ARSD: variants seen among roughly 807,000 people sequenced by gnomAD.
ARSD encodes testis tissue sperm-binding protein Li 39a.
ARSD carries 21 observed loss-of-function variants against 32.6 expected under a neutral mutation model. The ratio of observed to expected loss-of-function variants is 0.64; its 90% confidence interval spans 0.46 to 0.93. ARSD has a LOEUF of 0.93. Among genes scored for constraint, ARSD ranks in the 40% least tolerant of loss-of-function variants. ARSD has a pLI of 0.00. For synonymous variants in ARSD, 224 were observed against 237.4 expected (o/e 0.94, Z 0.52); for missense variants, 454 against 520.9 (o/e 0.87, Z 1.25).
chrX:2,916,120 AG>A (rs1211101990), intron 5 of ARSD, among the ~76,000 whole-genome samples: 43 of 69,388 alleles, frequency 6.2e-4, no homozygotes, highest in Middle Eastern at 9.3e-3. Flanking sequence ...TGACAGAGCC[AG>A]ACCCTGTCTC....
intron 8 of ARSD, 64 bp downstream of exon 8, chrX:2,909,753 T>TAAAA: frequency 1.2e-6 from 1 of 808,121 alleles, no homozygotes; most frequent in Non-Finnish European, 1.6e-6. Flanking sequence ...CCTATTGAAA[T>TAAAA]AAAAAAAAAA....
Position 2,921,937 on chromosome X carries a change from A to G in ARSD, c.282T>C (p.Ala94=). Reference sequence around the variant, plus strand: ...AGGAATGTCTCCCTGTGAGGAATGCAGCTCGGCTTGGGGTGCAGAGCGGGG... The same window carrying G: ...AGGAATGTCTCCCTGTGAGGAATGCGGCTCGGCTTGGGGTGCAGAGCGGGG... ...AAAPLCTPSR[A]AFLTGRHSFR... Residue 94 remains alanine, a synonymous_variant, in exon 3 of 10, where the codon GCT becomes GCC. Transcript: ENST00000381154. 1 of 1,211,603 alleles carries G rather than the reference A, an allele frequency of 8.3e-7. No homozygotes were observed.
rs760105153 is a variant in ARSD, at chrX:2,929,202, G to C, written c.44+30C>G. 1.9e-5 allele frequency: 20 copies of C among 1,038,311 alleles called. No individual in the cohort carries two copies. The South Asian group carries it at 5.0e-4, about 26-fold the overall frequency. 85.6% of individuals were successfully genotyped at this position (1,038,311 alleles called of 1,213,427 possible). A position where few individuals can be genotyped will look rare whatever the true frequency, so the allele number is the denominator to read the frequency against. On this transcript the variant is annotated intron_variant, in intron 1 of 9. Coordinates refer to ENST00000381154, the MANE Select transcript of ARSD (RefSeq NM_001669.4). ...CCCCAGGCCCCCACCCTAGGCCTTAGTATGGGCCGCGTCCCGGGGTCCCAG... is the reference window on the plus strand; with the variant it reads ...CCCCAGGCCCCCACCCTAGGCCTTACTATGGGCCGCGTCCCGGGGTCCCAG...
intron 1 of ARSD, among the ~76,000 whole-genome samples, chrX:2,927,240 C>CTTT (rs11403125): frequency 0.019 from 1,940 of 100,666 alleles, 59 homozygotes; most frequent in African/African-American, 0.067. Flanking sequence ...CCTAACTTTC[C>CTTT]TTTTTTTTTT....
Position 2,920,651 on chromosome X carries a change from G to C in ARSD, c.389C>G (p.Thr130Ser). Residue 130 changes from threonine (T) to serine (S), a missense_variant, in exon 4 of 10, where the codon ACC becomes AGC. Coordinates refer to ENST00000381154, the MANE Select transcript of ARSD (RefSeq NM_001669.4). ...CTGCTGCAAGATTCTTGCAAAAGTGGTTTCGTTCTCAGGGAGTCCACCTGA... is the reference window on the plus strand; with the variant it reads ...CTGCTGCAAGATTCTTGCAAAAGTGCTTTCGTTCTCAGGGAGTCCACCTGA... The part of the protein sequence containing the change: ...AGSGGLPENE[T>S]TFARILQQHG... 8.3e-7 allele frequency: 1 copy of C among 1,212,014 alleles called. No individual in the cohort carries two copies. Among genetic ancestry groups the C allele is most frequent in the Non-Finnish European group, 1.1e-6 (1 of 895,592 alleles).
Position 2,925,960 on chromosome X carries a change from T to G in ARSD, c.45-195A>C, listed in dbSNP as rs541833263. ...AAACCGAGGGTCAGACTGCTATTTC[T>G]TGTGACCCAATAGCGAGATGCAGAT... On this transcript the variant is annotated intron_variant, in intron 1 of 9. Coordinates refer to ENST00000381154, the MANE Select transcript of ARSD (RefSeq NM_001669.4). Among the ~76,000 whole-genome samples, 4 of 111,801 alleles carry G rather than the reference T, an allele frequency of 3.6e-5. No individual in the cohort carries two copies. In the South Asian group the frequency reaches 1.5e-3, roughly 42 times the overall value.
chrX:2,908,339 C>A (rs1057404486), intron 9 of ARSD, among the ~76,000 whole-genome samples: 14 of 110,455 alleles, frequency 1.3e-4, no homozygotes, highest in Non-Finnish European at 2.5e-4. Context: ...ATCATCTATC[C>A]TACATATCTA....
At chrX:2,921,028 C>T (rs2089023868) in intron 3 of ARSD, among the ~76,000 whole-genome samples, 1 of 111,574 alleles carries the variant, frequency 9.0e-6, no homozygotes, top group African/African-American at 3.3e-5. Flanking sequence ...TGGTGCTACT[C>T]GTATCGGGTG....
At chrX:2,928,776 G>C (rs1324049475) in intron 1 of ARSD, among the ~76,000 whole-genome samples, 1 of 102,983 alleles carries the variant, frequency 9.7e-6, no homozygotes, top group Non-Finnish European at 2.0e-5. Flanking sequence ...TCTTAGTGGG[G>C]CAGAGCGGGG....
At chrX:2,925,885 A>G (rs1454758180) in intron 1 of ARSD, 120 bp from the exon 2 acceptor site, 3 of 720,217 alleles carry the variant, frequency 4.2e-6, no homozygotes, top group Non-Finnish European at 6.0e-6. Flanking sequence ...GTTCAGCTTT[A>G]TGGGAGGTTA....
chrX:2,917,314 G>A (rs916091081), intron 5 of ARSD, among the ~76,000 whole-genome samples: 8 of 110,463 alleles, frequency 7.2e-5, no homozygotes, highest in African/African-American at 2.6e-4. Context: ...GCCATCACAT[G>A]ACATCCACTT....
Position 2,908,726 on chromosome X carries a change from T to C in ARSD, c.1415A>G (p.Lys472Arg). 1 of 1,195,681 alleles carries C rather than the reference T, an allele frequency of 8.4e-7. No homozygotes were observed. Among genetic ancestry groups the C allele is most frequent in the Non-Finnish European group, 1.1e-6 (1 of 887,522 alleles). Residue 472 changes from lysine (K) to arginine (R), a missense_variant, in exon 9 of 10, where the codon AAG becomes AGG. Lys to Arg is a conservative substitution (Grantham distance 26, BLOSUM62 2). This residue lies in a region of ARSD where 179 missense variants were observed against 198.5 expected (regional missense o/e 0.90). Coordinates refer to ENST00000381154, the MANE Select transcript of ARSD (RefSeq NM_001669.4). ...TGTGGGCAGCAGGTACTCACTGTCC[T>C]TCTGGTGCCAGCGTGCTGCGTGAAG... ...QHLHAARWHQ[K>R]DSGSVWKVHY...
rs1308881070 is a variant in ARSD, at chrX:2,905,991, C to T, written c.*1280G>A. ...GATGTCTGACACTGTGGCAGCCATA[C>T]TGGCATAATGAGGCCAACTCTCTGC... On this transcript the variant is annotated 3_prime_UTR_variant, in exon 10 of 10. Transcript: ENST00000381154. 8.9e-6 allele frequency: 1 copy of T among 112,182 alleles called. No individual in the cohort carries two copies. The highest frequency in any genetic ancestry group is 1.9e-5 in the Non-Finnish European group (1 of 53,218). The allele number at this position is 112,182 out of a possible 1,213,427, so 9.2% of individuals were successfully genotyped here.
chrX:2,911,545 C>A (rs1237137166), intron 6 of ARSD, among the ~76,000 whole-genome samples: 1 of 107,166 alleles, frequency 9.3e-6, no homozygotes, highest in Non-Finnish European at 1.9e-5. Flanking sequence ...TGGCGGGAGA[C>A]TGTAGTCCCA....
rs5939398 is a variant in ARSD at position 2,918,695 on chromosome X, A to C, written c.440-468T>G. Among the ~76,000 whole-genome samples, 413 of 109,678 alleles carry C rather than the reference A, an allele frequency of 3.8e-3. 9 individuals carry two copies. The highest frequency in any genetic ancestry group is 0.036 in the Admixed American group (370 of 10,284). ...GCGGAGCTTACAGTGAGCCGAGATC[A>C]TGCCACTGCACTCCAGCCTGGGCGA... On this transcript the variant is annotated intron_variant, in intron 4 of 9. Coordinates refer to ENST00000381154, the MANE Select transcript of ARSD (RefSeq NM_001669.4).
intron 1 of ARSD, among the ~76,000 whole-genome samples, chrX:2,927,650 C>G (rs946966109): frequency 1.1e-4 from 12 of 112,283 alleles, no homozygotes; most frequent in Non-Finnish European, 2.1e-4. Context: ...TCCCTTTGAC[C>G]TTTTCTATTG....
chrX:2,925,262 T>C (rs1352150283), intron 2 of ARSD, among the ~76,000 whole-genome samples: 3 of 112,104 alleles, frequency 2.7e-5, no homozygotes, highest in South Asian at 3.7e-4. Context: ...TGGAGTGATG[T>C]GGCCACAAGC....
chrX:2,924,457 G>A (rs1401448879), intron 2 of ARSD, among the ~76,000 whole-genome samples: 7 of 113,459 alleles, frequency 6.2e-5, no homozygotes, highest in Admixed American at 1.9e-4. Flanking sequence ...ATTCTGGGGC[G>A]GTCCTTCTAG....
chrX:2,913,462 C>T (rs774294106), intron 6 of ARSD: 195 of 729,426 alleles, frequency 2.7e-4, no homozygotes, highest in Non-Finnish European at 3.0e-4. Flanking sequence ...GGAATCCATT[C>T]AGATGGTTGT....
Sources: allele counts gnomAD v4.1 joint callset (sites outside exome capture counted in the v4.1 genomes callset), GRCh38; gene constraint gnomAD v4.1.1; regional missense constraint gnomAD v4.1.1; transcripts MANE v1.5; gene names NCBI Gene and HGNC (gene_info 2026-07-23, HGNC 2026-07-21).